Variants in ZNF236 observed in about 807,000 individuals in gnomAD.
ZNF236 encodes the protein zinc finger protein 236, also known as regulated by glucose.
ZNF236 carries 50 observed loss-of-function variants against 191.2 expected under a neutral mutation model. The ratio of observed to expected loss-of-function variants is 0.26; its 90% CI spans 0.21 to 0.33. The LOEUF (loss-of-function observed/expected upper bound fraction) is 0.33. Ranked by LOEUF, ZNF236 falls within the 10% of genes least tolerant of loss-of-function variation. The pLI is 1.00. For synonymous variants in ZNF236, 907 were observed against 928.8 expected (o/e 0.98, Z 0.43); for missense variants, 1,754 against 2,374.5 (o/e 0.74, Z 5.43).
At position 76,824,295 on chromosome 18, in the gene ZNF236, ACACGTG is replaced by A. The variant is rs1219297450; in HGVS notation, c.55+1637_55+1642del. The A allele has an allele frequency of 5.1e-5, 40 of 780,984 alleles. No individual in the cohort carries two copies. In the African/African-American group the frequency reaches 6.6e-4, roughly 13 times the overall value. The allele number at this position is 780,984 out of a possible 1,614,324, so 48.4% of individuals were successfully genotyped here. A position where few individuals can be genotyped will look rare whatever the true frequency, so the allele number is the denominator to read the frequency against. On this transcript the variant is annotated intron_variant, in intron 1 of 30. Transcript: ENST00000320610. ...CGTGATTGCACTTGGTAGAGTTAAC[ACACGTG>A]CACATTACGGAAACGTTGGTGACCA... is the stretch of plus-strand genomic sequence containing the variant.
At chr18:76,935,739 C>T (rs747959571) in intron 25 of ZNF236, among the ~76,000 whole-genome samples, 6 of 152,196 alleles carry the variant, frequency 3.9e-5, no homozygotes, top group Admixed American at 1.3e-4. Context: ...GGCTAGTGTG[C>T]GGTAAGGGTG....
intron 1 of ZNF236, among the ~76,000 whole-genome samples, chr18:76,825,304 T>C (rs941424150): frequency 1.3e-5 from 2 of 152,240 alleles, no homozygotes; most frequent in African/African-American, 4.8e-5. Flanking sequence ...CCTGGACCCC[T>C]GGGGGTTCCC....
At chr18:76,831,262 A>G (rs1391905748) in intron 1 of ZNF236, among the ~76,000 whole-genome samples, 1 of 152,116 alleles carries the variant, frequency 6.6e-6, no homozygotes, top group African/African-American at 2.4e-5. Context: ...TATTGTCCTT[A>G]TAGTTTTGCC....
At chr18:76,926,734 T>C in intron 22 of ZNF236, among the ~76,000 whole-genome samples, 1 of 111,282 alleles carries the variant, frequency 9.0e-6, no homozygotes, top group Non-Finnish European at 2.1e-5. Flanking sequence ...AGACCATGTG[T>C]GTGTATGGTA....
At chr18:76,851,685 T>C (rs2122515284) in intron 2 of ZNF236, 90 bp from the exon 3 acceptor site, 1 of 1,401,432 alleles carries the variant, frequency 7.1e-7, no homozygotes. Context: ...TGTCTGTACA[T>C]TATGGTACTT....
rs1968029881 is a variant in ZNF236, at chr18:76,937,352, T to A, written c.4782+9T>A. Reference sequence around the variant, plus strand: ...TCAACATCACCTCTCAGGCAAGTGCTCCTCAGAGAGGGATGCGAAGGTCCT... The same window carrying A: ...TCAACATCACCTCTCAGGCAAGTGCACCTCAGAGAGGGATGCGAAGGTCCT... On this transcript the variant is annotated intron_variant, in intron 26 of 30. Transcript: ENST00000320610. The A allele has an allele frequency of 7.5e-6, 12 of 1,591,544 alleles. No homozygotes were observed. The highest frequency in any genetic ancestry group is 9.5e-6 in the Non-Finnish European group (11 of 1,163,192).
chr18:76,874,757 C>T (rs1001015502), intron 5 of ZNF236, among the ~76,000 whole-genome samples: 5 of 128,256 alleles, frequency 3.9e-5, no homozygotes, highest in African/African-American at 6.1e-5. Flanking sequence ...GCCCAGGCGG[C>T]GGATTTCAGA....
At chr18:76,830,896 G>GT in intron 1 of ZNF236, among the ~76,000 whole-genome samples, 1 of 152,286 alleles carries the variant, frequency 6.6e-6, no homozygotes, top group East Asian at 1.9e-4. Context: ...GACTTGGCCT[G>GT]TTTTTCTACT....
intron 26 of ZNF236, among the ~76,000 whole-genome samples, chr18:76,940,959 C>T (rs1415452746): frequency 6.6e-6 from 1 of 152,208 alleles, no homozygotes; most frequent in Admixed American, 6.5e-5. Flanking sequence ...GTGAACTACA[C>T]ATGTGAGGGA....
intron 10 of ZNF236, chr18:76,897,972 G>A (rs924168064): frequency 6.6e-6 from 1 of 152,220 alleles, no homozygotes; most frequent in Non-Finnish European, 1.5e-5. Context: ...AGGATATGCT[G>A]GGGGAGGCAT....
Position 76,875,698 on chromosome 18 carries a change from A to G in ZNF236, c.840+34A>G. On this transcript the variant is annotated intron_variant, in intron 6 of 30. Coordinates refer to ENST00000320610, the MANE Select transcript of ZNF236 (RefSeq NM_001306089.2). The surrounding 1 kb of genome is among the most constrained non-coding windows in gnomAD (Gnocchi z 4.3). ...GGGTTGGGGGCATAAGCGGTATTTC[A>G]CAGGGGACAGTAGGTATCTTTTGGG... 6.7e-7 allele frequency: 1 copy of G among 1,485,032 alleles called. No homozygotes were observed. Among genetic ancestry groups the G allele is most frequent in the Non-Finnish European group, 9.0e-7 (1 of 1,107,276 alleles). The allele number at this position is 1,485,032 out of a possible 1,614,324, so 92.0% of individuals were successfully genotyped here. A position where few individuals can be genotyped will look rare whatever the true frequency, so the allele number is the denominator to read the frequency against.
At chr18:76,899,359 C>T (rs573735006) in intron 11 of ZNF236, 137 bp downstream of exon 11, 1 of 745,820 alleles carries the variant, frequency 1.3e-6, no homozygotes, top group South Asian at 2.2e-5. Context: ...CTGTGTTAAG[C>T]CTTGTTTTGC....
chr18:76,958,232 C>G (rs141408778), intron 28 of ZNF236, among the ~76,000 whole-genome samples: 62 of 152,308 alleles, frequency 4.1e-4, no homozygotes, highest in Non-Finnish European at 7.4e-4. Flanking sequence ...TGATGAAATT[C>G]TTTCTTGAGG....
In ZNF236 at chr18:76,908,322, A is replaced by T. The variant is rs1427343772; in HGVS notation, c.2300A>T (p.Tyr767Phe). 5.6e-6 allele frequency: 9 copies of T among 1,612,038 alleles called. No homozygotes were observed. Among genetic ancestry groups the T allele is most frequent in the Admixed American group, 1.7e-5 (1 of 59,978 alleles). Residue 767 changes from tyrosine (Y) to phenylalanine (F), a missense_variant and splice_region_variant, in exon 14 of 31, where the codon TAT (tyrosine) becomes TTT (phenylalanine). Tyr to Phe is a conservative substitution (Grantham distance 22, BLOSUM62 3). Transcript: ENST00000320610. Reference sequence around the variant, plus strand: ...AACTGTTGTTAATTTTTCTGAAGATATGAGCTTGCCCAGCAGCTCCAACAG... The same window carrying T: ...AACTGTTGTTAATTTTTCTGAAGATTTGAGCTTGCCCAGCAGCTCCAACAG... ...NCKKHMKTHR[Y>F]ELAQQLQQHQ...
In ZNF236 at chr18:76,868,882, G is replaced by A. The variant is rs997801742; in HGVS notation, c.542+19G>A. ...AAATTAGGTATGAGTCATTACATGG[G>A]CTTGGTCAAAAATCCATCTAATATG... is the stretch of plus-strand genomic sequence containing the variant. On this transcript the variant is annotated intron_variant, in intron 4 of 30. Transcript: ENST00000320610. 3.2e-6 allele frequency: 5 copies of A among 1,564,258 alleles called. No homozygotes were observed. The African/African-American group carries it at 5.5e-5, about 17-fold the overall frequency.
rs749424194 is a variant in ZNF236, at chr18:76,919,124, G to T, written c.3275-652G>T. 1.6e-4 allele frequency among the ~76,000 whole-genome samples: 24 copies of T among 152,236 alleles called. No individual in the cohort carries two copies. The highest frequency in any genetic ancestry group is 3.1e-4 in the Non-Finnish European group (21 of 68,008). Reference sequence around the variant, plus strand: ...TCATTTTTTGCCCTTATTAATAAATGAATATCTATATTTATGAATACCGGT... The same window carrying T: ...TCATTTTTTGCCCTTATTAATAAATTAATATCTATATTTATGAATACCGGT... On this transcript the variant is annotated intron_variant, in intron 19 of 30. Coordinates refer to ENST00000320610, the MANE Select transcript of ZNF236 (RefSeq NM_001306089.2). This position sits in a 1 kb window ranked among gnomAD's most constrained non-coding sequence, Gnocchi z 5.3.
intron 2 of ZNF236, among the ~76,000 whole-genome samples, chr18:76,850,255 C>T (rs116514432): frequency 0.012 from 1,784 of 152,242 alleles, 26 homozygotes; most frequent in African/African-American, 0.04. Flanking sequence ...TAGGTAGGAG[C>T]ATGTAAGCTA....
intron 1 of ZNF236, among the ~76,000 whole-genome samples, chr18:76,829,313 T>A (rs1347976667): frequency 1.4e-5 from 2 of 140,726 alleles, no homozygotes. Flanking sequence ...TCACGCATTA[T>A]GGAATCTCCT....
At chr18:76,827,346 C>G (rs1370486412) in intron 1 of ZNF236, among the ~76,000 whole-genome samples, 1 of 151,936 alleles carries the variant, frequency 6.6e-6, no homozygotes, top group Non-Finnish European at 1.5e-5. Context: ...CCACCATGCC[C>G]GGCTAATCTT....
Sources: gnomAD v4.1 joint callset for allele counts (sites outside exome capture counted in the v4.1 genomes callset) on GRCh38, gnomAD v4.1.1 for gene constraint, Gnocchi (gnomAD v3.1) non-coding constraint, MANE v1.5 for transcripts, NCBI Gene and HGNC (gene_info 2026-07-23, HGNC 2026-07-21) for gene names.